MYO5B: variants seen among roughly 807,000 people sequenced by gnomAD.
MYO5B encodes myosin VB.
A neutral mutation model predicts 229.3 loss-of-function variants in MYO5B; 143 were observed. The observed-to-expected ratio is 0.62, with a 90% CI of 0.54 to 0.72. The LOEUF (loss-of-function observed/expected upper bound fraction) is 0.72, where lower values mean the gene tolerates loss of function less well. Ranked by LOEUF, MYO5B falls within the 30% of genes least tolerant of loss-of-function variation. The probability of loss-of-function intolerance (pLI) is 0.00; values close to 1 mark genes in which losing one functional copy is unlikely to be tolerated. For missense variants in MYO5B, 2,321 were observed against 2,331.0 expected (o/e 1.00, Z 0.09); for synonymous variants, 918 against 885.2 (o/e 1.04, Z -0.66).
chr18:50,116,936 C>G (rs570455999), intron 1 of MYO5B, among the ~76,000 whole-genome samples: 12 of 152,162 alleles, frequency 7.9e-5, no homozygotes, highest in African/African-American at 2.9e-4. Context: ...GAAGGTATTT[C>G]CTACATAAGA....
At chr18:50,161,440 G>T (rs1011468283) in intron 1 of MYO5B, among the ~76,000 whole-genome samples, 11 of 144,014 alleles carry the variant, frequency 7.6e-5, no homozygotes, top group Admixed American at 3.0e-4. Flanking sequence ...GGAGTGGGGG[G>T]ACTATACCTA....
At chr18:50,133,263 G>A (rs2032282259) in intron 1 of MYO5B, among the ~76,000 whole-genome samples, 2 of 71,882 alleles carry the variant, frequency 2.8e-5, no homozygotes, top group Non-Finnish European at 6.4e-5. Context: ...GTCTTCTCTA[G>A]TGCTCTCCTC....
chr18:50,173,353 T>C (rs867653558), intron 1 of MYO5B, among the ~76,000 whole-genome samples: 2 of 150,640 alleles, frequency 1.3e-5, no homozygotes, highest in African/African-American at 4.9e-5. Context: ...TGGGGCAGGA[T>C]AGCAGGGCCC....
intron 10 of MYO5B, among the ~76,000 whole-genome samples, chr18:49,966,489 C>T (rs1052259083): frequency 3.3e-5 from 5 of 152,114 alleles, no homozygotes; most frequent in Admixed American, 2.6e-4. Context: ...ACCTTACTGC[C>T]TTCCCCGATC....
intron 4 of MYO5B, among the ~76,000 whole-genome samples, 168 bp from the exon 5 acceptor site, chr18:50,001,579 A>C (rs2026047850): frequency 6.6e-6 from 1 of 152,192 alleles, no homozygotes; most frequent in South Asian, 2.1e-4. Flanking sequence ...GACACCTGCA[A>C]ACATCCTGAA....
At chr18:50,175,937 A>C (rs908485558) in intron 1 of MYO5B, among the ~76,000 whole-genome samples, 6 of 152,232 alleles carry the variant, frequency 3.9e-5, no homozygotes, top group African/African-American at 1.4e-4. Flanking sequence ...GCTTTTTGGA[A>C]GAACTCAGAG....
intron 16 of MYO5B, among the ~76,000 whole-genome samples, chr18:49,935,916 C>T (rs1161168554): frequency 1.3e-5 from 2 of 152,252 alleles, no homozygotes; most frequent in African/African-American, 4.8e-5. Context: ...CCTTTCCTGA[C>T]CACTCCAGCA....
At position 49,826,502 on chromosome 18, in the gene MYO5B, C is replaced by A. The variant is rs372086249; in HGVS notation, c.5516G>T (p.Cys1839Phe). Residue 1839 changes from cysteine (C) to phenylalanine (F), a missense_variant, in exon 40 of 40, where the codon TGT (cysteine) becomes TTT (phenylalanine). By Grantham distance (205) the Cys-to-Phe change is radical. This residue lies in a region of MYO5B where 208 missense variants were observed against 286.3 expected (regional missense o/e 0.73). Transcript: ENST00000285039. ...TTCATTGAGGAATTCCAGATTGAGACACGCTGGGATGTGGATTGAGTCCAT... is the reference window on the plus strand; with the variant it reads ...TTCATTGAGGAATTCCAGATTGAGAAACGCTGGGATGTGGATTGAGTCCAT... ...LTMDSIHIPA[C>F]LNLEFLNEV is the part of the protein sequence containing the mutation. 11 of 1,613,906 alleles carry A rather than the reference C, an allele frequency of 6.8e-6. No homozygotes were observed. The highest frequency in any genetic ancestry group is 9.3e-6 in the Non-Finnish European group (11 of 1,179,952).
At chr18:50,162,292 C>T (rs2032778707) in intron 1 of MYO5B, among the ~76,000 whole-genome samples, 1 of 151,990 alleles carries the variant, frequency 6.6e-6, no homozygotes, top group Non-Finnish European at 1.5e-5. Flanking sequence ...TCCCTCCCTC[C>T]CTCCCTACCC....
At chr18:49,991,096 G>A (rs1315181644) in intron 6 of MYO5B, among the ~76,000 whole-genome samples, 1 of 152,162 alleles carries the variant, frequency 6.6e-6, no homozygotes, top group Non-Finnish European at 1.5e-5. Context: ...GAAGCTCCAG[G>A]GGTGTCCAGG....
At chr18:49,891,893 G>C (rs1355718854) in intron 22 of MYO5B, among the ~76,000 whole-genome samples, 1 of 152,196 alleles carries the variant, frequency 6.6e-6, no homozygotes, top group African/African-American at 2.4e-5. Flanking sequence ...CGAATGTTCA[G>C]TGCCTGGGGG....
intron 1 of MYO5B, among the ~76,000 whole-genome samples, chr18:50,155,894 C>G (rs995522444): frequency 6.6e-6 from 1 of 152,180 alleles, no homozygotes; most frequent in African/African-American, 2.4e-5. Flanking sequence ...CAAAAGTTAA[C>G]TTCAAGTCCT....
At chr18:50,067,795 G>A (rs1264039876) in intron 1 of MYO5B, among the ~76,000 whole-genome samples, 1 of 152,150 alleles carries the variant, frequency 6.6e-6, no homozygotes, top group African/African-American at 2.4e-5. Context: ...TGTACAGTCT[G>A]CAGAACCATG....
chr18:49,987,485 A>G (rs1294836080), intron 7 of MYO5B, among the ~76,000 whole-genome samples: 16 of 152,240 alleles, frequency 1.1e-4, no homozygotes. Context: ...CCTCCAGTTT[A>G]GGTCTCTCTC....
intron 16 of MYO5B, among the ~76,000 whole-genome samples, chr18:49,933,853 T>C (rs1424373192): frequency 2.6e-5 from 4 of 152,234 alleles, no homozygotes; most frequent in Non-Finnish European, 5.9e-5. Context: ...GAATAATTCC[T>C]ATTCAGATTC....
At chr18:49,840,129 G>A (rs938106209) in intron 35 of MYO5B, 1 of 152,368 alleles carries the variant, frequency 6.6e-6, no homozygotes, top group Non-Finnish European at 1.5e-5. Context: ...GAGAATATGA[G>A]CACATGTAAC....
rs775727589 is a variant in MYO5B at position 49,912,095 on chromosome 18, G to T, written c.2169C>A (p.Ala723=). 1.2e-6 allele frequency: 2 copies of T among 1,614,096 alleles called. No homozygotes were observed. The highest frequency in any genetic ancestry group is 2.2e-5 in the South Asian group (2 of 91,060). Residue 723 remains alanine (A), a synonymous_variant, in exon 18 of 40, where the codon GCC becomes GCA. Transcript: ENST00000285039. ...KRELANTDKK[A]ICRSVLENLI... is the part of the protein sequence containing the mutation. ...GGTTCTCCAGGACAGACCTGCAGAT[G>T]GCCTTTTTGTCTGTGTTGGCGAGCT... is the stretch of plus-strand genomic sequence containing the variant.
At chr18:50,082,620 C>T (rs1217502460) in intron 1 of MYO5B, among the ~76,000 whole-genome samples, 4 of 150,804 alleles carry the variant, frequency 2.7e-5, no homozygotes. Context: ...CAGCCTAATA[C>T]TAACTGTAGG....
chr18:50,194,798 C>G lies in MYO5B; in HGVS notation c.-5G>C. ...GTAGAGCTCGCCCACCGACATGGCC[C>G]GGGCCGGGCGGGGCTCGGGCCCCGG... is the stretch of plus-strand genomic sequence containing the variant. On this transcript the variant is annotated 5_prime_UTR_variant, in exon 1 of 40. Coordinates refer to ENST00000285039, the MANE Select transcript of MYO5B (RefSeq NM_001080467.3). 7.3e-7 allele frequency: 1 copy of G among 1,367,638 alleles called. No homozygotes were observed. Among genetic ancestry groups the G allele is most frequent in the South Asian group, 1.7e-5 (1 of 57,908 alleles). 84.7% of individuals were successfully genotyped at this position (1,367,638 alleles called of 1,614,324 possible).
Sources: gnomAD v4.1 joint callset for allele counts (sites outside exome capture counted in the v4.1 genomes callset) on GRCh38, gnomAD v4.1.1 for gene constraint, gnomAD v4.1.1 regional missense constraint, MANE v1.5 for transcripts, NCBI Gene and HGNC (gene_info 2026-07-23, HGNC 2026-07-21) for gene names.